The following SORCS1 variants were observed in gnomAD, a reference collection of about 807,000 sequenced individuals.
SORCS1 encodes sortilin related VPS10 domain containing receptor 1.
SORCS1 carries 60 observed loss-of-function variants against 146.1 expected under a neutral mutation model. The observed-to-expected ratio is 0.41, with a 90% confidence interval of 0.33 to 0.51. SORCS1 has a LOEUF of 0.51. SORCS1 is among the 20% of genes least tolerant of loss of function. SORCS1 has a pLI of 0.21. For missense variants in SORCS1, 1,352 were observed against 1,487.6 expected, an observed-to-expected ratio of 0.91 and a Z score of 1.50; for synonymous variants, 637 against 584.0, an observed-to-expected ratio of 1.09 and a Z score of -1.31.
At position 106,629,313 on chromosome 10, in the gene SORCS1, T is replaced by A. The variant is rs780804907; in HGVS notation, c.2551A>T (p.Met851Leu). The A allele has an allele frequency of 6.2e-7, 1 of 1,614,128 alleles. No homozygotes were observed. The highest frequency in any genetic ancestry group is 1.1e-5 in the South Asian group (1 of 91,070). The part of the protein sequence containing the change: ...IAVSYVNLSS[M>L]EDGIKHVYQN... ...TAGACGTGTTTGATCCCATCTTCCA[T>A]GGAGCTGAGATTGACGTAAGACACC... Residue 851 changes from methionine to leucine, a missense_variant, in exon 19 of 26, where the codon ATG becomes TTG. Met to Leu is a conservative substitution (Grantham distance 15). This residue lies in a region of SORCS1 where 648 missense variants were observed against 793.8 expected (regional missense o/e 0.82). Transcript: ENST00000263054.
intron 2 of SORCS1, among the ~76,000 whole-genome samples, chr10:106,861,294 G>T (rs1950005863): frequency 6.6e-6 from 1 of 151,810 alleles, no homozygotes; most frequent in South Asian, 2.1e-4. Context: ...CAGCTACTTG[G>T]GAGGCTGAGG....
intron 10 of SORCS1, among the ~76,000 whole-genome samples, chr10:106,682,133 C>T (rs1019104406): frequency 2.0e-5 from 3 of 152,004 alleles, no homozygotes; most frequent in Admixed American, 1.3e-4. Flanking sequence ...ATCTCTAATA[C>T]AAAACCAAAA....
chr10:106,986,833 T>C (rs1355532109), intron 1 of SORCS1, among the ~76,000 whole-genome samples: 2 of 152,342 alleles, frequency 1.3e-5, no homozygotes, highest in East Asian at 3.9e-4. Flanking sequence ...TCATGAGAGT[T>C]GCCACTTCTC....
At chr10:107,005,654 T>A (rs753862046) in intron 1 of SORCS1, among the ~76,000 whole-genome samples, 23 of 152,218 alleles carry the variant, frequency 1.5e-4, no homozygotes, top group Non-Finnish European at 2.4e-4. Context: ...TTATTTTCCT[T>A]TTTTGTACTT....
intron 1 of SORCS1, among the ~76,000 whole-genome samples, chr10:107,103,489 A>G (rs1965089584): frequency 6.6e-6 from 1 of 152,214 alleles, no homozygotes; most frequent in Non-Finnish European, 1.5e-5. Context: ...CAGCTTCCTC[A>G]GCATAAGGTC....
chr10:106,758,618 C>T (rs756221144), intron 5 of SORCS1, among the ~76,000 whole-genome samples: 2 of 152,036 alleles, frequency 1.3e-5, no homozygotes, highest in Non-Finnish European at 2.9e-5. Flanking sequence ...TATAACACCC[C>T]CAAAAAGGGA....
chr10:106,605,877 G>C (rs993271233), intron 23 of SORCS1, among the ~76,000 whole-genome samples: 4 of 152,138 alleles, frequency 2.6e-5, no homozygotes, highest in Non-Finnish European at 5.9e-5. Context: ...GGTGGGCCAT[G>C]CCATAATTTG....
chr10:107,007,658 A>G (rs1296508780), intron 1 of SORCS1, among the ~76,000 whole-genome samples: 1 of 152,254 alleles, frequency 6.6e-6, no homozygotes, highest in African/African-American at 2.4e-5. Flanking sequence ...TTGGTAACAC[A>G]GAAATAGGTA....
At chr10:106,638,574 A>G (rs566829450) in intron 18 of SORCS1, among the ~76,000 whole-genome samples, 1 of 152,328 alleles carries the variant, frequency 6.6e-6, no homozygotes, top group Non-Finnish European at 1.5e-5. Flanking sequence ...GAATCACTAT[A>G]CTATTTTTAG....
intron 5 of SORCS1, among the ~76,000 whole-genome samples, chr10:106,733,216 C>T (rs1185424349): frequency 6.6e-6 from 1 of 152,112 alleles, no homozygotes; most frequent in Non-Finnish European, 1.5e-5. Flanking sequence ...AACAAACCTC[C>T]TTATTCTGCC....
chr10:106,589,565 T>G (rs1845468281), intron 24 of SORCS1, among the ~76,000 whole-genome samples: 1 of 152,178 alleles, frequency 6.6e-6, no homozygotes, highest in East Asian at 1.9e-4. Context: ...CATAGTTGAA[T>G]GTATATTCTG....
chr10:106,869,109 T>TG (rs2137549146), intron 2 of SORCS1, among the ~76,000 whole-genome samples: 1 of 152,288 alleles, frequency 6.6e-6, no homozygotes, highest in Non-Finnish European at 1.5e-5. Context: ...GACAAATTTG[T>TG]GGACACATAC....
intron 2 of SORCS1, among the ~76,000 whole-genome samples, chr10:106,903,429 G>C (rs1474295113): frequency 6.6e-6 from 1 of 152,210 alleles, no homozygotes; most frequent in Non-Finnish European, 1.5e-5. Flanking sequence ...CTCTCCAAGA[G>C]TTGCAGCAGA....
intron 2 of SORCS1, among the ~76,000 whole-genome samples, chr10:106,899,751 T>C (rs74152271): frequency 0.016 from 2,373 of 152,212 alleles, 51 homozygotes; most frequent in African/African-American, 0.054. Context: ...TCAAGATAGA[T>C]TCAAAATCCC....
chr10:107,138,515 C>T (rs1256875164), intron 1 of SORCS1, among the ~76,000 whole-genome samples: 1 of 152,188 alleles, frequency 6.6e-6, no homozygotes, highest in East Asian at 1.9e-4. Flanking sequence ...ATGGTCTACA[C>T]CACTCATCAA....
At chr10:106,886,893 T>C (rs1284316502) in intron 2 of SORCS1, among the ~76,000 whole-genome samples, 2 of 152,222 alleles carry the variant, frequency 1.3e-5, no homozygotes, top group Non-Finnish European at 2.9e-5. Context: ...CAGTTATTTA[T>C]TAAGCTATCA....
chr10:106,753,303 G>A (rs978063676), intron 5 of SORCS1, among the ~76,000 whole-genome samples: 10 of 152,090 alleles, frequency 6.6e-5, no homozygotes, highest in Middle Eastern at 3.2e-3. Context: ...CAGCCATCTC[G>A]CGCCACATTC....
chr10:106,724,543 AT>A (rs1307634486), intron 6 of SORCS1, among the ~76,000 whole-genome samples: 4 of 151,878 alleles, frequency 2.6e-5, no homozygotes, highest in Non-Finnish European at 4.4e-5. Context: ...AAATAAAAAA[AT>A]AAAAATAAAG....
intron 1 of SORCS1, among the ~76,000 whole-genome samples, chr10:107,011,458 CCTT>C (rs760894176): frequency 6.6e-6 from 1 of 152,220 alleles, no homozygotes; most frequent in South Asian, 2.1e-4. Flanking sequence ...CAATTGCTCT[CCTT>C]CTCTTGTAAA....
Sources: gnomAD v4.1 joint callset for allele counts (sites outside exome capture counted in the v4.1 genomes callset) on GRCh38, gnomAD v4.1.1 for gene constraint, gnomAD v4.1.1 regional missense constraint, MANE v1.5 for transcripts, NCBI Gene and HGNC (gene_info 2026-07-23, HGNC 2026-07-21) for gene names.